Variants in KDM4B observed in about 807,000 individuals in gnomAD.
KDM4B encodes lysine-specific demethylase 4B.
Under a neutral mutation model 125.2 loss-of-function variants are expected in KDM4B, and 32 were observed. The ratio of observed to expected loss-of-function variants is 0.26; its 90% CI spans 0.19 to 0.34. The LOEUF is 0.34. KDM4B is among the 10% of genes least tolerant of loss of function. KDM4B has a pLI of 1.00. For synonymous variants in KDM4B, 721 were observed against 677.9 expected (o/e 1.06, Z -0.99); for missense variants, 1,190 against 1,577.7 (o/e 0.75, Z 4.16).
intron 9 of KDM4B, among the ~76,000 whole-genome samples, chr19:5,101,483 C>T (rs533865007): frequency 8.6e-5 from 13 of 151,150 alleles, no homozygotes; most frequent in South Asian, 4.2e-4. Context: ...GCTGTGATCA[C>T]GCCACCACAT....
chr19:4,990,083 A>G (rs995217334), intron 1 of KDM4B, among the ~76,000 whole-genome samples: 1 of 152,076 alleles, frequency 6.6e-6, no homozygotes, highest in African/African-American at 2.4e-5. Context: ...TGAGGCCAGG[A>G]GTTCAAGACC....
At chr19:5,050,874 T>G (rs2037198819) in intron 6 of KDM4B, among the ~76,000 whole-genome samples, 2 of 152,178 alleles carry the variant, frequency 1.3e-5, no homozygotes, top group African/African-American at 4.8e-5. Flanking sequence ...CACTCCAGCC[T>G]GGGCGACAGA....
intron 8 of KDM4B, among the ~76,000 whole-genome samples, chr19:5,079,863 G>T (rs1314768292): frequency 3.9e-5 from 6 of 152,150 alleles, no homozygotes; most frequent in Non-Finnish European, 8.8e-5. Flanking sequence ...ACCATGCCCG[G>T]CCCAGTAATT....
chr19:5,133,830 C>G, intron 13 of KDM4B, 53 bp from the exon 14 acceptor site: 1 of 1,585,846 alleles, frequency 6.3e-7, no homozygotes, highest in South Asian at 1.1e-5. Flanking sequence ...ATTCCTTGGA[C>G]GAGTTTTTAG....
chr19:5,015,795 C>T (rs183273824), intron 1 of KDM4B, among the ~76,000 whole-genome samples: 9 of 152,262 alleles, frequency 5.9e-5, no homozygotes, highest in South Asian at 4.1e-4. Flanking sequence ...CTAAGTTCAA[C>T]GCCTGGGCTG....
chr19:5,084,547 A>G (rs1005537208), intron 9 of KDM4B, among the ~76,000 whole-genome samples: 15 of 134,934 alleles, frequency 1.1e-4, no homozygotes, highest in African/African-American at 2.9e-4. Context: ...TATATTATAT[A>G]TAATATATAA....
chr19:5,131,816 G>C, intron 12 of KDM4B, 71 bp from the exon 13 acceptor site: 1 of 1,600,218 alleles, frequency 6.2e-7, no homozygotes, highest in Non-Finnish European at 8.5e-7. Flanking sequence ...CCGAGCCCCT[G>C]TGTGGCTCCG....
intron 11 of KDM4B, among the ~76,000 whole-genome samples, chr19:5,130,693 T>G (rs1244889251): frequency 6.6e-6 from 1 of 152,150 alleles, no homozygotes; most frequent in African/African-American, 2.4e-5. Flanking sequence ...AAAGTGCCAT[T>G]TGGTACGGCC....
intron 1 of KDM4B, among the ~76,000 whole-genome samples, chr19:4,986,245 A>G (rs2034827506): frequency 6.6e-6 from 1 of 152,162 alleles, no homozygotes; most frequent in South Asian, 2.1e-4. Flanking sequence ...CATTCGGGGC[A>G]GCGCTTGGTT....
intron 6 of KDM4B, among the ~76,000 whole-genome samples, chr19:5,050,784 C>T (rs2037195913): frequency 6.6e-6 from 1 of 152,208 alleles, no homozygotes; most frequent in African/African-American, 2.4e-5. Flanking sequence ...CCTATAATCC[C>T]AGCTACTCGG....
At position 5,082,364 on chromosome 19, in the gene KDM4B, C is replaced by T. The variant is rs761962368; in HGVS notation, c.781-3C>T. ...CCCTCACCTGTCTCCTTTCCCTCTG[C>T]AGATCACGCAGGAGGCCGGGGAATT... On this transcript the variant is annotated splice_region_variant and splice_polypyrimidine_tract_variant and intron_variant, in intron 8 of 22. Transcript: ENST00000159111. The surrounding 1 kb of genome is among the most constrained non-coding windows in gnomAD (Gnocchi z 5.4). 70 of 1,613,406 alleles carry T rather than the reference C, an allele frequency of 4.3e-5. No homozygotes were observed. The highest frequency in any genetic ancestry group is 5.7e-5 in the Non-Finnish European group (67 of 1,179,916).
intron 9 of KDM4B, among the ~76,000 whole-genome samples, chr19:5,084,270 T>C (rs1431210745): frequency 6.8e-6 from 1 of 147,152 alleles, no homozygotes; most frequent in Non-Finnish European, 1.5e-5. Context: ...ATTTATATAT[T>C]ATATATGTAA....
intron 13 of KDM4B, among the ~76,000 whole-genome samples, chr19:5,132,489 G>A (rs1314946453): frequency 1.3e-5 from 2 of 152,128 alleles, no homozygotes; most frequent in African/African-American, 4.8e-5. Context: ...GATGCATGTA[G>A]AATCTGAAAA....
intron 13 of KDM4B, among the ~76,000 whole-genome samples, chr19:5,132,920 A>G (rs980630949): frequency 5.3e-5 from 8 of 152,124 alleles, no homozygotes; most frequent in Non-Finnish European, 1.0e-4. Context: ...TTGGGTTTTC[A>G]GAGGAGTCTT....
intron 1 of KDM4B, among the ~76,000 whole-genome samples, chr19:4,992,751 A>T (rs2035068934): frequency 6.6e-6 from 1 of 152,156 alleles, no homozygotes; most frequent in African/African-American, 2.4e-5. Flanking sequence ...GTGTCTGGCC[A>T]TCCTATAAGT....
chr19:5,044,857 G>A (rs1166772349), intron 5 of KDM4B, among the ~76,000 whole-genome samples: 2 of 152,174 alleles, frequency 1.3e-5, no homozygotes, highest in Non-Finnish European at 2.9e-5. Context: ...ACAGTCGGTA[G>A]CCTTTTCCCA....
At chr19:5,106,073 G>T (rs974858166) in intron 9 of KDM4B, among the ~76,000 whole-genome samples, 13 of 152,178 alleles carry the variant, frequency 8.5e-5, no homozygotes, top group Non-Finnish European at 2.9e-5. Context: ...CCATAATTGG[G>T]CTCTTGCTAT....
chr19:5,065,844 G>C (rs2037752163), intron 6 of KDM4B, among the ~76,000 whole-genome samples: 2 of 152,254 alleles, frequency 1.3e-5, no homozygotes, highest in Admixed American at 1.3e-4. Flanking sequence ...AGCCCCTGGG[G>C]AATGGCGCGA....
At chr19:5,057,207 G>A (rs897438152) in intron 6 of KDM4B, among the ~76,000 whole-genome samples, 3 of 152,110 alleles carry the variant, frequency 2.0e-5, no homozygotes, top group African/African-American at 7.2e-5. Flanking sequence ...CTCTGCTGGC[G>A]GCGCCCTTGC....
Sources: allele counts gnomAD v4.1 joint callset (sites outside exome capture counted in the v4.1 genomes callset), GRCh38; gene constraint gnomAD v4.1.1; non-coding constraint Gnocchi (gnomAD v3.1); transcripts MANE v1.5; gene names NCBI Gene and HGNC (gene_info 2026-07-23, HGNC 2026-07-21).